The following CDK5RAP2 variants were observed in gnomAD, a reference collection of about 807,000 sequenced individuals.
CDK5RAP2 encodes the protein CDK5 regulatory subunit-associated protein 2.
Under a neutral mutation model 232.9 loss-of-function variants are expected in CDK5RAP2, and 147 were observed. The ratio of observed to expected loss-of-function variants is 0.63; its 90% CI spans 0.55 to 0.72. CDK5RAP2 has a LOEUF of 0.72. Among genes scored for constraint, CDK5RAP2 ranks in the 30% least tolerant of loss-of-function variants. The pLI, the probability that CDK5RAP2 is intolerant of heterozygous loss-of-function variation, is 0.00. For missense variants in CDK5RAP2, 2,195 were observed against 2,231.5 expected (o/e 0.98, Z 0.33); for synonymous variants, 833 against 833.7 (o/e 1.00, Z 0.01).
At chr9:120,521,326 C>T (rs2040642372) in intron 11 of CDK5RAP2, among the ~76,000 whole-genome samples, 1 of 152,260 alleles carries the variant, frequency 6.6e-6, no homozygotes, top group Admixed American at 6.5e-5. Context: ...ATATCTTGCC[C>T]AAGGTTACAG....
chr9:120,433,871 G>T (rs761780963), intron 25 of CDK5RAP2, among the ~76,000 whole-genome samples: 1 of 152,150 alleles, frequency 6.6e-6, no homozygotes, highest in South Asian at 2.1e-4. Context: ...TAGATTCACT[G>T]ACTCACTCAC....
intron 3 of CDK5RAP2, among the ~76,000 whole-genome samples, chr9:120,554,864 C>T (rs2042167911): frequency 6.6e-6 from 1 of 152,064 alleles, no homozygotes. Flanking sequence ...AACTCCTGAC[C>T]TCGGGTGATT....
intron 36 of CDK5RAP2, among the ~76,000 whole-genome samples, chr9:120,392,726 G>A (rs758059082): frequency 6.6e-6 from 1 of 152,174 alleles, no homozygotes; most frequent in African/African-American, 2.4e-5. Flanking sequence ...TTCTCTACGA[G>A]TGACACGAAA....
rs184084503 is a variant in CDK5RAP2 at position 120,471,426 on chromosome 9, C to T, written c.1858+322G>A. The stretch of plus-strand genomic sequence containing the variant: ...TGTGGTAGGCAGTACTCAGATGTTC[C>T]GGGCAGTGAGGGCTGCAATTCCCCA... On this transcript the variant is annotated intron_variant, in intron 16 of 37. Transcript: ENST00000349780. 7.2e-5 allele frequency among the ~76,000 whole-genome samples: 11 copies of T among 152,246 alleles called. No individual in the cohort carries two copies. In the East Asian group the frequency reaches 1.3e-3, roughly 19 times the overall value.
At chr9:120,556,179 G>A (rs1458551888) in intron 3 of CDK5RAP2, among the ~76,000 whole-genome samples, 1 of 152,136 alleles carries the variant, frequency 6.6e-6, no homozygotes, top group Non-Finnish European at 1.5e-5. Flanking sequence ...CATACATATA[G>A]ATTACAATAG....
At chr9:120,555,289 G>A (rs756509194) in intron 3 of CDK5RAP2, among the ~76,000 whole-genome samples, 13 of 151,994 alleles carry the variant, frequency 8.6e-5, no homozygotes, top group Non-Finnish European at 1.2e-4. Context: ...GCACTACCAC[G>A]CTCGGCTAAG....
At chr9:120,460,835 A>T in intron 18 of CDK5RAP2, 168 bp from the exon 19 acceptor site, 1 of 1,156,838 alleles carries the variant, frequency 8.6e-7, no homozygotes, top group South Asian at 1.4e-5. Flanking sequence ...AACCAAGGTT[A>T]GAGTTGCTAG....
intron 1 of CDK5RAP2, among the ~76,000 whole-genome samples, chr9:120,578,425 TA>T (rs2043116063): frequency 6.6e-6 from 1 of 152,082 alleles, no homozygotes; most frequent in Non-Finnish European, 1.5e-5. Context: ...AGGACCCAAT[TA>T]GACAGGAACT....
At chr9:120,477,803 A>G (rs2038099121) in intron 14 of CDK5RAP2, among the ~76,000 whole-genome samples, 1 of 152,210 alleles carries the variant, frequency 6.6e-6, no homozygotes, top group African/African-American at 2.4e-5. Flanking sequence ...ATCTTTCCAT[A>G]TTCACTGTTG....
At chr9:120,471,132 T>C (rs571957441) in intron 16 of CDK5RAP2, among the ~76,000 whole-genome samples, 3 of 152,202 alleles carry the variant, frequency 2.0e-5, no homozygotes, top group African/African-American at 7.2e-5. Context: ...ACCACTGTTA[T>C]TACCAATTTT....
chr9:120,497,354 G>T (rs2039338828), intron 12 of CDK5RAP2, among the ~76,000 whole-genome samples: 1 of 77,664 alleles, frequency 1.3e-5, no homozygotes, highest in Non-Finnish European at 2.0e-5. Context: ...CTCCACTATT[G>T]TCCCATGACC....
chr9:120,536,472 C>A lies in CDK5RAP2; in HGVS notation c.562G>T (p.Glu188Ter), dbSNP rs1315030480. The A allele has an allele frequency of 6.2e-7, 1 of 1,614,054 alleles. No individual in the cohort carries two copies. Among genetic ancestry groups the A allele is most frequent in the Non-Finnish European group, 8.5e-7 (1 of 1,180,016 alleles). Residue 188 changes from glutamate (E) to a stop codon, truncating the protein, a stop_gained, in exon 7 of 38, where the codon GAG becomes TAG. Transcript: ENST00000349780. LOFTEE classifies it high-confidence loss of function. ...LEKAFAGTET[E>*]KALRLRLESK... is the part of the protein sequence containing the mutation. Reference sequence around the variant, plus strand: ...TCCAAACGCAACCGAAGAGCCTTCTCCGTCTCTGTCCCTGCAAAGGCCTTT... The same window carrying A: ...TCCAAACGCAACCGAAGAGCCTTCTACGTCTCTGTCCCTGCAAAGGCCTTT...
At chr9:120,433,546 G>C (rs765148673) in intron 25 of CDK5RAP2, among the ~76,000 whole-genome samples, 49 of 152,314 alleles carry the variant, frequency 3.2e-4, no homozygotes, top group Non-Finnish European at 6.5e-4. Context: ...GGAAACCAGA[G>C]CTCTAATCTG....
intron 25 of CDK5RAP2, among the ~76,000 whole-genome samples, chr9:120,426,758 AT>A (rs1460425020): frequency 2.0e-5 from 3 of 152,220 alleles, no homozygotes; most frequent in Non-Finnish European, 4.4e-5. Context: ...AAAGAAATAT[AT>A]TTTGGGGTAC....
rs760453690 is a variant in CDK5RAP2 at position 120,518,484 on chromosome 9, C to A, written c.1254G>T (p.Leu418=). The A allele has an allele frequency of 1.9e-6, 3 of 1,613,672 alleles. No homozygotes were observed. The highest frequency in any genetic ancestry group is 1.3e-5 in the African/African-American group (1 of 74,800). ...LSDLQQERER[L]EKDLEEAHRE... is the part of the protein sequence containing the mutation. Reference sequence around the variant, plus strand: ...GATGGGCTTCCTCCAGGTCCTTCTCCAGTCTCTCCCTCTCCTGCTGCAAGT... The same window carrying A: ...GATGGGCTTCCTCCAGGTCCTTCTCAAGTCTCTCCCTCTCCTGCTGCAAGT... The change falls in exon 12 of 38, where the codon CTG becomes CTT. Residue 418 remains leucine, a synonymous_variant. Coordinates refer to ENST00000349780, the MANE Select transcript of CDK5RAP2 (RefSeq NM_018249.6).
At chr9:120,413,842 G>A (rs1342619509) in intron 28 of CDK5RAP2, among the ~76,000 whole-genome samples, 3 of 150,126 alleles carry the variant, frequency 2.0e-5, no homozygotes, top group Admixed American at 6.6e-5. Flanking sequence ...GAGGGAGGAG[G>A]GAAGGAGGAG....
chr9:120,515,756 A>C (rs1262259964), intron 12 of CDK5RAP2, among the ~76,000 whole-genome samples: 1 of 152,238 alleles, frequency 6.6e-6, no homozygotes. Context: ...CAGCCAAAAA[A>C]CACATGAAAA....
At chr9:120,442,622 T>C (rs1023473849) in intron 23 of CDK5RAP2, among the ~76,000 whole-genome samples, 1 of 152,226 alleles carries the variant, frequency 6.6e-6, no homozygotes, top group Non-Finnish European at 1.5e-5. Context: ...TTAATAACTA[T>C]CAAGAAGAAA....
intron 3 of CDK5RAP2, among the ~76,000 whole-genome samples, chr9:120,559,640 C>T (rs892951181): frequency 8.7e-5 from 13 of 148,922 alleles, no homozygotes; most frequent in African/African-American, 3.2e-4. Context: ...GAATAATTAC[C>T]CAAAATATAA....
Sources: gnomAD v4.1 joint callset for allele counts (sites outside exome capture counted in the v4.1 genomes callset) on GRCh38, gnomAD v4.1.1 for gene constraint, MANE v1.5 for transcripts, NCBI Gene and HGNC (gene_info 2026-07-23, HGNC 2026-07-21) for gene names.